Variants in FARS2 observed in about 807,000 individuals in gnomAD.
FARS2 encodes the protein phenylalanine--tRNA ligase, mitochondrial.
FARS2 carries 40 observed loss-of-function variants against 46.4 expected under a neutral mutation model. The observed-to-expected ratio is 0.86, with a 90% CI of 0.67 to 1.12. The LOEUF is 1.12. Among genes scored for constraint, FARS2 ranks in the 50% most tolerant of loss-of-function variants. The pLI, the probability that FARS2 is intolerant of heterozygous loss-of-function variation, is 0.00. For missense variants in FARS2, 513 were observed against 567.9 expected (o/e 0.90, Z 0.98); for synonymous variants, 234 against 214.9 (o/e 1.09, Z -0.78).
chr6:5,366,702 G>T (rs1323674549), intron 1 of FARS2, among the ~76,000 whole-genome samples: 1 of 152,176 alleles, frequency 6.6e-6, no homozygotes, highest in African/African-American at 2.4e-5. Context: ...GAAAAGCATC[G>T]ACAGCAGCCC....
intron 6 of FARS2, among the ~76,000 whole-genome samples, chr6:5,646,823 A>G (rs1183962947): frequency 3.3e-5 from 5 of 152,246 alleles, no homozygotes. Flanking sequence ...CATGTTTAGT[A>G]TGGACCAAAC....
chr6:5,297,819 T>C (rs1319076571), intron 1 of FARS2, among the ~76,000 whole-genome samples: 2 of 152,278 alleles, frequency 1.3e-5, no homozygotes, highest in Non-Finnish European at 2.9e-5. Context: ...ATCTTTGATT[T>C]CCCTTTTATT....
chr6:5,391,487 A>G (rs1336795229), intron 2 of FARS2, among the ~76,000 whole-genome samples: 1 of 152,214 alleles, frequency 6.6e-6, no homozygotes, highest in African/African-American at 2.4e-5. Flanking sequence ...GTTATCAGTC[A>G]CAGGAACTCA....
intron 1 of FARS2, among the ~76,000 whole-genome samples, chr6:5,285,145 A>G (rs1404539916): frequency 6.6e-6 from 1 of 152,218 alleles, no homozygotes; most frequent in African/African-American, 2.4e-5. Flanking sequence ...CGAGAAAGAA[A>G]AGGCCACAGG....
At chr6:5,720,965 A>T (rs991761793) in intron 6 of FARS2, among the ~76,000 whole-genome samples, 1 of 152,148 alleles carries the variant, frequency 6.6e-6, no homozygotes, top group African/African-American at 2.4e-5. Context: ...AGGTGAAAAA[A>T]TTGTTTGAGG....
At chr6:5,414,939 C>T (rs980800936) in intron 3 of FARS2, among the ~76,000 whole-genome samples, 7 of 150,910 alleles carry the variant, frequency 4.6e-5, no homozygotes, top group African/African-American at 1.5e-4. Context: ...CTCAGCCCCG[C>T]GAGTAGCTGA....
At chr6:5,265,982 T>G (rs1765525577) in intron 1 of FARS2, among the ~76,000 whole-genome samples, 1 of 152,140 alleles carries the variant, frequency 6.6e-6, no homozygotes, top group Admixed American at 6.5e-5. Flanking sequence ...CTGAGAAACA[T>G]TGACCTGAAG....
In FARS2 at chr6:5,433,394, A is replaced by G. The variant is rs141785988; in HGVS notation, c.904+2222A>G. Among the ~76,000 whole-genome samples the G allele has an allele frequency of 4.0e-3, 606 of 152,342 alleles. 2 individuals carry two copies. Among genetic ancestry groups the G allele is most frequent in the African/African-American group, 0.014 (587 of 41,576 alleles). ...TTCTAATGGCTAGAGCCATGTGTCAACAGAGGGTCCCCTTAGTAGGAAATA... is the reference window on the plus strand; with the variant it reads ...TTCTAATGGCTAGAGCCATGTGTCAGCAGAGGGTCCCCTTAGTAGGAAATA... On this transcript the variant is annotated intron_variant, in intron 4 of 6. Transcript: ENST00000274680.
intron 6 of FARS2, among the ~76,000 whole-genome samples, chr6:5,737,958 G>A (rs1300110505): frequency 6.6e-6 from 1 of 152,090 alleles, no homozygotes; most frequent in African/African-American, 2.4e-5. Flanking sequence ...TCTTGTTGTT[G>A]TTGTTGTTTA....
At chr6:5,260,686 C>T (rs865915498), upstream of FARS2, 2 of 1,553,280 alleles carry the variant, frequency 1.3e-6, no homozygotes, top group Non-Finnish European at 1.7e-6. Flanking sequence ...TCTCTCTCAG[C>T]ATCGCCCGGT....
chr6:5,670,012 T>C (rs1778369411), intron 6 of FARS2, among the ~76,000 whole-genome samples: 2 of 152,238 alleles, frequency 1.3e-5, no homozygotes, highest in African/African-American at 4.8e-5. Flanking sequence ...GTGTTGATTC[T>C]TGATTTCTGT....
At chr6:5,634,337 C>CT (rs1180395678) in intron 6 of FARS2, among the ~76,000 whole-genome samples, 3 of 152,208 alleles carry the variant, frequency 2.0e-5, no homozygotes, top group Non-Finnish European at 2.9e-5. Flanking sequence ...GAGTCTCGCT[C>CT]TGTCACCCAG....
At chr6:5,529,411 G>A (rs1319065338) in intron 4 of FARS2, among the ~76,000 whole-genome samples, 3 of 152,054 alleles carry the variant, frequency 2.0e-5, no homozygotes, top group East Asian at 1.9e-4. Context: ...GGGTTCAATC[G>A]ATTCTCCTAC....
intron 5 of FARS2, among the ~76,000 whole-genome samples, chr6:5,612,041 T>C (rs1180192268): frequency 1.3e-5 from 2 of 152,368 alleles, no homozygotes; most frequent in South Asian, 2.1e-4. Flanking sequence ...CAGTGTGACT[T>C]CAGGAGAGAA....
rs186280086 is a variant in FARS2 at position 5,446,155 on chromosome 6, A to G, written c.904+14983A>G. On this transcript the variant is annotated intron_variant, in intron 4 of 6. Transcript: ENST00000274680. ...GAGATGGAGCTTGCAGTGAGCTGAG[A>G]TCGTGCCACTGCACTCCAGCCTGGG... 2.6e-3 allele frequency among the ~76,000 whole-genome samples: 391 copies of G among 151,838 alleles called. 2 individuals carry two copies. Among genetic ancestry groups the G allele is most frequent in the African/African-American group, 9.1e-3 (376 of 41,412 alleles).
intron 5 of FARS2, among the ~76,000 whole-genome samples, chr6:5,550,455 G>T (rs547045575): frequency 2.0e-4 from 31 of 152,094 alleles, no homozygotes; most frequent in Non-Finnish European, 3.7e-4. Context: ...TAGTAGAGAA[G>T]GTGTCTTGCC....
intron 2 of FARS2, among the ~76,000 whole-genome samples, chr6:5,385,821 C>A (rs1760094451): frequency 6.6e-6 from 1 of 152,044 alleles, no homozygotes; most frequent in Non-Finnish European, 1.5e-5. Flanking sequence ...GTAGACCTGC[C>A]AAGTATGTGA....
intron 3 of FARS2, among the ~76,000 whole-genome samples, chr6:5,414,423 C>A (rs1762103417): frequency 6.6e-6 from 1 of 152,206 alleles, no homozygotes; most frequent in African/African-American, 2.4e-5. Context: ...CCCACTCTCC[C>A]TACCCACCAG....
chr6:5,368,882 C>T lies in FARS2; in HGVS notation c.312C>T (p.Arg104=). ...KEHFYKQYVG[R]FGTPLFSVYD... ...ACTTCTACAAGCAGTATGTGGGCCG[C>T]TTTGGGACCCCGTTGTTCTCGGTCT... The change falls in exon 2 of 7, where the codon CGC becomes CGT. Residue 104 remains arginine (R), a synonymous_variant. Coordinates refer to ENST00000274680, the MANE Select transcript of FARS2 (RefSeq NM_006567.5). 1 of 1,614,150 alleles carries T rather than the reference C, an allele frequency of 6.2e-7. No individual in the cohort carries two copies. Among genetic ancestry groups the T allele is most frequent in the Non-Finnish European group, 8.5e-7 (1 of 1,180,030 alleles).
Sources: allele counts gnomAD v4.1 joint callset (sites outside exome capture counted in the v4.1 genomes callset), GRCh38; gene constraint gnomAD v4.1.1; transcripts MANE v1.5; gene names NCBI Gene and HGNC (gene_info 2026-07-23, HGNC 2026-07-21).